GABPB1: variants seen among roughly 807,000 people sequenced by gnomAD.
The protein encoded by GABPB1 is GA-binding protein subunit beta-1.
A neutral mutation model predicts 45.9 loss-of-function variants in GABPB1; 15 were observed. That is an observed-to-expected ratio of 0.33 (90% CI 0.22 to 0.50). The LOEUF (loss-of-function observed/expected upper bound fraction) is 0.50, where lower values mean the gene tolerates loss of function less well. Ranked by LOEUF, GABPB1 falls within the 20% of genes least tolerant of loss-of-function variation. GABPB1 has a pLI of 0.98. For missense variants in GABPB1, 252 were observed against 457.5 expected (o/e 0.55, Z 4.10); for synonymous variants, 143 against 154.4 (o/e 0.93, Z 0.55).
intron 1 of GABPB1, among the ~76,000 whole-genome samples, chr15:50,347,227 C>T (rs1305809768): frequency 6.6e-6 from 1 of 152,038 alleles, no homozygotes; most frequent in Non-Finnish European, 1.5e-5. Flanking sequence ...GAGACACAAG[C>T]TTTTAGACCA....
rs546870985 is a variant in GABPB1 at position 50,350,841 on chromosome 15, T to C, written c.-1+4144A>G. The C allele has an allele frequency of 2.6e-5, 4 of 152,366 alleles. No homozygotes were observed. The East Asian group carries it at 7.7e-4, about 29-fold the overall frequency. The allele number at this position is 152,366 out of a possible 1,614,324, so 9.4% of individuals were successfully genotyped here. A position where few individuals can be genotyped will look rare whatever the true frequency, so the allele number is the denominator to read the frequency against. ...CTTTTAAACTTCCACCCACTGACCC[T>C]AGTTCCTTCTGGTCAAGTCAAATCT... On this transcript the variant is annotated intron_variant, in intron 1 of 8. Transcript: ENST00000380877.
intron 1 of GABPB1, among the ~76,000 whole-genome samples, chr15:50,312,586 C>G (rs950096209): frequency 2.0e-5 from 3 of 152,080 alleles, no homozygotes; most frequent in Admixed American, 2.0e-4. Flanking sequence ...CAGGATAAAG[C>G]AAAAAGAAAC....
At chr15:50,310,154 A>T (rs1015303961) in intron 1 of GABPB1, among the ~76,000 whole-genome samples, 2 of 152,204 alleles carry the variant, frequency 1.3e-5, no homozygotes, top group Non-Finnish European at 1.5e-5. Context: ...GTGCAGTGGC[A>T]CGATGTTGGC....
chr15:50,283,519 GTTTT>G (rs926235933), intron 8 of GABPB1, among the ~76,000 whole-genome samples: 1 of 124,926 alleles, frequency 8.0e-6, no homozygotes, highest in African/African-American at 4.5e-5. Context: ...GCACCTTATT[GTTTT>G]TTTTTTTTCT....
intron 1 of GABPB1, among the ~76,000 whole-genome samples, chr15:50,330,256 T>C (rs76218118): frequency 0.015 from 2,320 of 152,278 alleles, 28 homozygotes; most frequent in Middle Eastern, 0.031. Context: ...CATTGTTCTG[T>C]ACTTTGCTTT....
At position 50,354,738 on chromosome 15, in the gene GABPB1, C is replaced by T. The variant is rs777029845; in HGVS notation, c.-1+247G>A. 9.5e-5 allele frequency: 29 copies of T among 304,644 alleles called. 1 individual carries two copies. Among genetic ancestry groups the T allele is most frequent in the South Asian group, 6.8e-4 (28 of 41,204 alleles). 18.9% of individuals were successfully genotyped at this position (304,644 alleles called of 1,614,324 possible). On this transcript the variant is annotated intron_variant, in intron 1 of 8. Transcript: ENST00000380877. ...GGGCGGCGGCCGCCACCATGTCTGC[C>T]CGCCCCTCCCAGAAGCAGTGTGCCC...
At chr15:50,313,618 T>C (rs914481114) in intron 1 of GABPB1, among the ~76,000 whole-genome samples, 4 of 152,060 alleles carry the variant, frequency 2.6e-5, no homozygotes, top group African/African-American at 7.2e-5. Flanking sequence ...AATGATTGAA[T>C]TGTAGAATCT....
At chr15:50,286,605 T>C (rs2046164404) in intron 7 of GABPB1, among the ~76,000 whole-genome samples, 1 of 152,224 alleles carries the variant, frequency 6.6e-6, no homozygotes, top group Non-Finnish European at 1.5e-5. Context: ...GTAGCATCTA[T>C]ACAATAGATA....
chr15:50,325,016 T>C (rs909686431), intron 1 of GABPB1, among the ~76,000 whole-genome samples: 1 of 152,156 alleles, frequency 6.6e-6, no homozygotes, highest in Non-Finnish European at 1.5e-5. Context: ...CAGACATGCA[T>C]AGCTCCCTGA....
At chr15:50,338,361 C>T (rs114342888) in intron 1 of GABPB1, among the ~76,000 whole-genome samples, 1 of 151,518 alleles carries the variant, frequency 6.6e-6, no homozygotes, top group East Asian at 2.0e-4. Context: ...TTAAGTAGCA[C>T]CCAACATGTT....
At chr15:50,312,496 A>G (rs867511151) in intron 1 of GABPB1, among the ~76,000 whole-genome samples, 14 of 152,334 alleles carry the variant, frequency 9.2e-5, no homozygotes, top group Middle Eastern at 3.4e-3. Context: ...TTTCCTAGAT[A>G]ATATGTAACT....
intron 1 of GABPB1, among the ~76,000 whole-genome samples, chr15:50,328,330 T>C (rs1013113280): frequency 6.6e-6 from 1 of 152,150 alleles, no homozygotes; most frequent in African/African-American, 2.4e-5. Flanking sequence ...ACTTTCCCTT[T>C]CTCCCATCTA....
At chr15:50,329,510 A>C (rs776654191) in intron 1 of GABPB1, among the ~76,000 whole-genome samples, 6 of 152,180 alleles carry the variant, frequency 3.9e-5, no homozygotes, top group Non-Finnish European at 8.8e-5. Flanking sequence ...AAAATGAATA[A>C]AGGTGGGGGT....
rs2047071387 is a variant in GABPB1 at position 50,309,872 on chromosome 15, T to C, written c.1-74A>G. The stretch of plus-strand genomic sequence containing the variant: ...TATGACATGACATTTTCCCTTCCTG[T>C]CTTTATTAATAAGTCAGTTCTCAAT... On this transcript the variant is annotated intron_variant, in intron 1 of 8. Coordinates refer to ENST00000380877, the MANE Select transcript of GABPB1 (RefSeq NM_016654.5). The C allele has an allele frequency of 3.5e-6, 3 of 850,212 alleles. No homozygotes were observed. The East Asian group carries it at 7.4e-5, about 21-fold the overall frequency. 52.7% of individuals were successfully genotyped at this position (850,212 alleles called of 1,614,324 possible). A position where few individuals can be genotyped will look rare whatever the true frequency, so the allele number is the denominator to read the frequency against.
chr15:50,317,813 G>A (rs1170918875), intron 1 of GABPB1, among the ~76,000 whole-genome samples: 1 of 151,816 alleles, frequency 6.6e-6, no homozygotes, highest in Non-Finnish European at 1.5e-5. Flanking sequence ...GGAGGCTGAG[G>A]CAGGAGAATG....
At chr15:50,336,972 G>C (rs1388550341) in intron 1 of GABPB1, among the ~76,000 whole-genome samples, 1 of 150,768 alleles carries the variant, frequency 6.6e-6, no homozygotes, top group Admixed American at 6.6e-5. Flanking sequence ...TTGAGCCCAA[G>C]AGGTTGAGGC....
intron 1 of GABPB1, among the ~76,000 whole-genome samples, chr15:50,337,075 G>GTGTGTA (rs1283881585): frequency 2.1e-4 from 3 of 14,210 alleles, no homozygotes; most frequent in African/African-American, 5.8e-4. Flanking sequence ...ATATGTGTGT[G>GTGTGTA]TATATATATA....
At chr15:50,331,986 C>T (rs1377629863) in intron 1 of GABPB1, among the ~76,000 whole-genome samples, 2 of 151,762 alleles carry the variant, frequency 1.3e-5, no homozygotes, top group East Asian at 1.9e-4. Context: ...GCGATTCTCC[C>T]GTCTCAGTCT....
intron 1 of GABPB1, among the ~76,000 whole-genome samples, chr15:50,321,044 T>C (rs574571843): frequency 6.6e-6 from 1 of 152,332 alleles, no homozygotes; most frequent in South Asian, 2.1e-4. Flanking sequence ...TAATTTGTTA[T>C]AGCAAATAGG....
Sources: allele counts gnomAD v4.1 joint callset (sites outside exome capture counted in the v4.1 genomes callset), GRCh38; gene constraint gnomAD v4.1.1; transcripts MANE v1.5; gene names NCBI Gene and HGNC (gene_info 2026-07-23, HGNC 2026-07-21).